PGM3: variants seen among roughly 807,000 people sequenced by gnomAD.
PGM3 encodes phosphoglucomutase 3.
PGM3 carries 40 observed loss-of-function variants against 66.2 expected under a neutral mutation model. That is an observed-to-expected ratio of 0.60 (90% confidence interval 0.47 to 0.79). PGM3 has a LOEUF of 0.79. Among genes scored for constraint, PGM3 ranks in the 30% least tolerant of loss-of-function variants. The pLI is 0.00. For synonymous variants in PGM3, 191 were observed against 224.2 expected, an observed-to-expected ratio of 0.85 and a Z score of 1.32; for missense variants, 537 against 643.4, an observed-to-expected ratio of 0.83 and a Z score of 1.79.
intron 2 of PGM3, among the ~76,000 whole-genome samples, chr6:83,189,527 G>A (rs1018889492): frequency 1.3e-5 from 2 of 152,126 alleles, no homozygotes; most frequent in Non-Finnish European, 2.9e-5. Context: ...CACATATTTG[G>A]ACAAGCAATG....
intron 12 of PGM3, among the ~76,000 whole-genome samples, chr6:83,170,037 G>C (rs1011032846): frequency 3.3e-5 from 5 of 152,144 alleles, no homozygotes; most frequent in Non-Finnish European, 5.9e-5. Context: ...GTATTTATTA[G>C]TTATTCCTGC....
downstream of PGM3, chr6:83,164,822 G>C (rs1334597227): frequency 2.4e-5 from 21 of 879,028 alleles, no homozygotes; most frequent in South Asian, 3.5e-4. Flanking sequence ...GAGGTAAACA[G>C]GAAGGAAGTC....
chr6:83,191,244 C>G, intron 1 of PGM3: 1 of 1,535,322 alleles, frequency 6.5e-7, no homozygotes, highest in Non-Finnish European at 8.7e-7. Flanking sequence ...GGGCAGATAG[C>G]AGATTGTCCC....
chr6:83,152,327 C>T, the PGM3 span: 2 of 1,569,058 alleles, frequency 1.3e-6, no homozygotes, highest in African/African-American at 1.4e-5. Flanking sequence ...AACATAACTC[C>T]TTCTGTATAT....
At chr6:83,180,361 A>T (rs956807661) in intron 6 of PGM3, among the ~76,000 whole-genome samples, 1 of 152,252 alleles carries the variant, frequency 6.6e-6, no homozygotes, top group Non-Finnish European at 1.5e-5. Context: ...TAATTCTAAC[A>T]GAAATGATTT....
At chr6:83,172,155 A>T in intron 10 of PGM3, 96 bp from the exon 11 acceptor site, 3 of 1,226,934 alleles carry the variant, frequency 2.4e-6, no homozygotes, top group Non-Finnish European at 3.5e-6. Context: ...GTACAGGTTG[A>T]ACAACCTGAA....
At chr6:83,187,544 T>G (rs1371139282) in intron 3 of PGM3, among the ~76,000 whole-genome samples, 2 of 152,234 alleles carry the variant, frequency 1.3e-5, no homozygotes, top group Non-Finnish European at 2.9e-5. Flanking sequence ...CCAGGCACAG[T>G]GGCTCACACC....
chr6:83,170,546 T>C (rs1257678137), intron 11 of PGM3, 68 bp from the exon 12 acceptor site: 6 of 1,245,256 alleles, frequency 4.8e-6, no homozygotes, highest in Non-Finnish European at 6.9e-6. Context: ...CTGTTAAACA[T>C]ACATTCTACG....
the PGM3 span, chr6:83,151,785 T>C: frequency 1.4e-6 from 2 of 1,434,882 alleles, no homozygotes; most frequent in Non-Finnish European, 9.6e-7. Flanking sequence ...TCAACAAGTC[T>C]ATTGTAAAAT....
downstream of PGM3, chr6:83,163,007 G>A: frequency 7.1e-7 from 1 of 1,407,060 alleles, no homozygotes. Context: ...GGGAAACTGA[G>A]AACGTTATCA....
At chr6:83,150,656 ATAATTTATCTTT>A in the PGM3 span, among the ~76,000 whole-genome samples, 64 of 152,200 alleles carry the variant, frequency 4.2e-4, no homozygotes, top group African/African-American at 1.5e-3. Context: ...AATTGTGCAT[ATAATTTATCTTT>A]TAAAAAACCA....
At chr6:83,153,682 T>C in the PGM3 span, 1 of 1,348,394 alleles carries the variant, frequency 7.4e-7, no homozygotes, top group Non-Finnish European at 1.0e-6. Flanking sequence ...ACAAGTTCTG[T>C]TCCCTTATTG....
the PGM3 span, among the ~76,000 whole-genome samples, chr6:83,154,931 T>C: frequency 3.9e-4 from 60 of 152,370 alleles, no homozygotes; most frequent in African/African-American, 1.4e-3. Flanking sequence ...ATATCTGTTT[T>C]ATCTTCATAA....
chr6:83,174,771 G>C (rs1197879407), intron 9 of PGM3, among the ~76,000 whole-genome samples: 1 of 152,178 alleles, frequency 6.6e-6, no homozygotes, highest in African/African-American at 2.4e-5. Flanking sequence ...AGCACACACA[G>C]TAAGTTCATG....
chr6:83,174,287 T>A, intron 10 of PGM3, 87 bp downstream of exon 10: 1 of 709,354 alleles, frequency 1.4e-6, no homozygotes. Context: ...GTCTCCACTT[T>A]AATTTTGTAT....
chr6:83,177,291 C>T (rs983817308), intron 8 of PGM3, among the ~76,000 whole-genome samples: 8 of 152,054 alleles, frequency 5.3e-5, no homozygotes, highest in African/African-American at 1.4e-4. Context: ...GAAAACTTCT[C>T]GATAATGAGA....
chr6:83,160,030 A>C, downstream of PGM3: 2 of 1,473,490 alleles, frequency 1.4e-6, no homozygotes, highest in Non-Finnish European at 1.8e-6. Context: ...GACATCTATG[A>C]CTAATTAAAA....
At chr6:83,149,383 T>A in the PGM3 span, among the ~76,000 whole-genome samples, 17 of 152,200 alleles carry the variant, frequency 1.1e-4, no homozygotes, top group Non-Finnish European at 1.9e-4. Context: ...TCTTGATTCC[T>A]AATAGGTCCC....
At chr6:83,190,665 A>C in intron 2 of PGM3, 144 bp downstream of exon 2, 1 of 650,360 alleles carries the variant, frequency 1.5e-6, no homozygotes. Context: ...CTTAAAAAAA[A>C]AAAGTTGTTT....
Sources: gnomAD v4.1 joint callset for allele counts (sites outside exome capture counted in the v4.1 genomes callset) on GRCh38, gnomAD v4.1.1 for gene constraint, MANE v1.5 for transcripts, NCBI Gene and HGNC (gene_info 2026-07-23, HGNC 2026-07-21) for gene names.